ADAMTS2: variants seen among roughly 807,000 people sequenced by gnomAD.
ADAMTS2 encodes A disintegrin and metalloproteinase with thrombospondin motifs 2.
A neutral mutation model predicts 123.0 loss-of-function variants in ADAMTS2; 50 were observed. That is an observed-to-expected ratio of 0.41 (90% CI 0.32 to 0.51). The LOEUF is 0.51. Among genes scored for constraint, ADAMTS2 ranks in the 20% least tolerant of loss-of-function variants. The pLI, the probability that ADAMTS2 is intolerant of heterozygous loss-of-function variation, is 0.35. For missense variants in ADAMTS2, 1,494 were observed against 1,705.2 expected, an observed-to-expected ratio of 0.88 and a Z score of 2.18; for synonymous variants, 678 against 695.4, an observed-to-expected ratio of 0.98 and a Z score of 0.39.
At position 179,175,951 on chromosome 5, in the gene ADAMTS2, G is replaced by A. The variant is rs774411790; in HGVS notation, c.975+5121C>T. ...TTTTCAGAGACCACCTGTACTGCTC[G>A]GACTCTCGGAGGTACACCATGCACA... is the stretch of plus-strand genomic sequence containing the variant. On this transcript the variant is annotated intron_variant, in intron 5 of 21. Transcript: ENST00000251582. The surrounding 1 kb of genome is among the most constrained non-coding windows in gnomAD (Gnocchi z 4.1). 2.6e-5 allele frequency among the ~76,000 whole-genome samples: 4 copies of A among 151,888 alleles called. No homozygotes were observed. Among genetic ancestry groups the A allele is most frequent in the Non-Finnish European group, 5.9e-5 (4 of 67,976 alleles).
chr5:179,183,950 G>A (rs994877488), intron 4 of ADAMTS2, among the ~76,000 whole-genome samples: 6 of 152,340 alleles, frequency 3.9e-5, no homozygotes, highest in Non-Finnish European at 7.4e-5. Context: ...CAAGAAGGCG[G>A]CTGTCTGCAA....
chr5:179,124,983 G>T lies in ADAMTS2; in HGVS notation c.2948C>A (p.Pro983His). The T allele has an allele frequency of 1.2e-6, 2 of 1,604,984 alleles. No individual in the cohort carries two copies. Among genetic ancestry groups the T allele is most frequent in the Non-Finnish European group, 1.7e-6 (2 of 1,178,174 alleles). The change falls in exon 19 of 22, where the codon CCC becomes CAC. Residue 983 changes from proline (P) to histidine (H), a missense_variant. By Grantham distance (77) the Pro-to-His change is moderately conservative. Coordinates refer to ENST00000251582, the MANE Select transcript of ADAMTS2 (RefSeq NM_014244.5). ...ELCPGRWRAG[P>H]WSQCSVTCGN... ...CGGGGGATTGCGTACCTGGGACCAG[G>T]GCCCGGCTCGCCAACGACCAGGGCA...
Position 179,345,421 on chromosome 5 carries a change from G to GC in ADAMTS2, c.-94dup. 1 of 1,026,152 alleles carries GC rather than the reference G, an allele frequency of 9.7e-7. No individual in the cohort carries two copies. Among genetic ancestry groups the GC allele is most frequent in the Non-Finnish European group, 1.2e-6 (1 of 850,164 alleles). 63.6% of individuals were successfully genotyped at this position (1,026,152 alleles called of 1,614,324 possible). On this transcript the variant is annotated 5_prime_UTR_variant, in exon 1 of 22. Coordinates refer to ENST00000251582, the MANE Select transcript of ADAMTS2 (RefSeq NM_014244.5). The surrounding 1 kb of genome is among the most constrained non-coding windows in gnomAD (Gnocchi z 7.5). ...CCCACATCTGGGGGCAGCTGGAGCC[G>GC]CCCGCAGCTGCAGCACCGCAGGGCG...
chr5:179,163,409 C>T (rs1763636503), intron 5 of ADAMTS2, among the ~76,000 whole-genome samples: 1 of 152,214 alleles, frequency 6.6e-6, no homozygotes, highest in South Asian at 2.1e-4. Flanking sequence ...CCAGTGCTGG[C>T]AGGAACAGAG....
chr5:179,302,215 AT>A (rs1011074063), intron 2 of ADAMTS2, among the ~76,000 whole-genome samples: 1 of 151,820 alleles, frequency 6.6e-6, no homozygotes, highest in Non-Finnish European at 1.5e-5. Flanking sequence ...TAATCCCAGC[AT>A]TTTGGGAGGC....
At chr5:179,342,137 T>C (rs756857524) in intron 2 of ADAMTS2, among the ~76,000 whole-genome samples, 1 of 151,980 alleles carries the variant, frequency 6.6e-6, no homozygotes, top group Non-Finnish European at 1.5e-5. Flanking sequence ...GGCTGAAAAA[T>C]GAATCACCAA....
At chr5:179,216,970 C>T (rs1469358712) in intron 3 of ADAMTS2, among the ~76,000 whole-genome samples, 1 of 152,202 alleles carries the variant, frequency 6.6e-6, no homozygotes, top group Non-Finnish European at 1.5e-5. Flanking sequence ...TCGGATAGCC[C>T]AGTGCCCTCC....
chr5:179,193,863 C>A (rs1371751969), intron 4 of ADAMTS2, among the ~76,000 whole-genome samples: 1 of 152,172 alleles, frequency 6.6e-6, no homozygotes, highest in Non-Finnish European at 1.5e-5. Context: ...GATTGCTTGA[C>A]TGCAACTCAG....
At chr5:179,311,897 C>T (rs905875001) in intron 2 of ADAMTS2, among the ~76,000 whole-genome samples, 1 of 152,148 alleles carries the variant, frequency 6.6e-6, no homozygotes, top group African/African-American at 2.4e-5. Flanking sequence ...TCCGCCTTAC[C>T]GCGCTTTAAC....
chr5:179,245,017 T>C (rs1427423958), intron 3 of ADAMTS2, among the ~76,000 whole-genome samples: 1 of 152,200 alleles, frequency 6.6e-6, no homozygotes, highest in Non-Finnish European at 1.5e-5. Flanking sequence ...CCTATCTATC[T>C]GTAAGGTTAT....
rs1040046088 is a variant in ADAMTS2, at chr5:179,130,463, G to A, written c.2291-365C>T. 2.0e-5 allele frequency among the ~76,000 whole-genome samples: 3 copies of A among 152,236 alleles called. No individual in the cohort carries two copies. Among genetic ancestry groups the A allele is most frequent in the African/African-American group, 7.2e-5 (3 of 41,464 alleles). ...CAGGATGGCTGGGAGGGGTCTGTAC[G>A]CGGTGCAGGGCATCTGCTGGACAGG... On this transcript the variant is annotated intron_variant, in intron 15 of 21. Transcript: ENST00000251582. This position sits in a 1 kb window ranked among gnomAD's most constrained non-coding sequence, Gnocchi z 4.3.
chr5:179,274,266 G>T (rs1766630385), intron 2 of ADAMTS2, among the ~76,000 whole-genome samples: 1 of 152,338 alleles, frequency 6.6e-6, no homozygotes, highest in East Asian at 1.9e-4. Context: ...TGCACACTGT[G>T]TCCAGCCTTC....
intron 2 of ADAMTS2, among the ~76,000 whole-genome samples, chr5:179,273,892 C>A (rs1766616887): frequency 6.6e-6 from 1 of 152,132 alleles, no homozygotes; most frequent in African/African-American, 2.4e-5. Context: ...CCCACCCTCC[C>A]AGACCGCGGC....
intron 2 of ADAMTS2, among the ~76,000 whole-genome samples, chr5:179,331,780 G>A (rs993935804): frequency 7.9e-5 from 12 of 152,170 alleles, no homozygotes; most frequent in African/African-American, 2.9e-4. Context: ...CCCAGGCTGG[G>A]TGAGGTCCAC....
chr5:179,344,852 AG>A (rs1757895042), intron 1 of ADAMTS2, among the ~76,000 whole-genome samples: 1 of 152,076 alleles, frequency 6.6e-6, no homozygotes. Flanking sequence ...CCCGGACGCG[AG>A]CCCCGGCGCC....
chr5:179,111,171 G>A lies in ADAMTS2; in HGVS notation c.*2696C>T, dbSNP rs1762561367. On this transcript the variant is annotated 3_prime_UTR_variant, in exon 22 of 22. Coordinates refer to ENST00000251582, the MANE Select transcript of ADAMTS2 (RefSeq NM_014244.5). ...CCAAAAGGAGTAAATCAGAGAGCTG[G>A]GTTCCACAAATCTAACACGAGTCTG... The A allele has an allele frequency of 6.6e-6, 1 of 152,168 alleles. No homozygotes were observed. Among genetic ancestry groups the A allele is most frequent in the Admixed American group, 6.5e-5 (1 of 15,272 alleles). 9.4% of individuals were successfully genotyped at this position (152,168 alleles called of 1,614,324 possible). A position where few individuals can be genotyped will look rare whatever the true frequency, so the allele number is the denominator to read the frequency against.
intron 10 of ADAMTS2, among the ~76,000 whole-genome samples, chr5:179,147,520 T>C (rs546254206): frequency 6.6e-6 from 1 of 152,328 alleles, no homozygotes; most frequent in African/African-American, 2.4e-5. Context: ...ACTGCCCATA[T>C]AGAAGTAGTG....
intron 3 of ADAMTS2, among the ~76,000 whole-genome samples, chr5:179,226,899 T>G (rs1765303894): frequency 6.6e-6 from 1 of 152,214 alleles, no homozygotes; most frequent in African/African-American, 2.4e-5. Context: ...AGCAAGTGAT[T>G]CACAGGATGG....
chr5:179,198,940 G>A (rs927886796), intron 4 of ADAMTS2, among the ~76,000 whole-genome samples: 51 of 152,294 alleles, frequency 3.3e-4, no homozygotes, highest in African/African-American at 2.2e-4. Flanking sequence ...CTCTTAGCAC[G>A]GCTGGCTTCG....
Sources: allele counts gnomAD v4.1 joint callset (sites outside exome capture counted in the v4.1 genomes callset), GRCh38; gene constraint gnomAD v4.1.1; non-coding constraint Gnocchi (gnomAD v3.1); transcripts MANE v1.5; gene names NCBI Gene and HGNC (gene_info 2026-07-23, HGNC 2026-07-21).